TBC1D22A: variants seen among roughly 807,000 people sequenced by gnomAD.
TBC1D22A encodes TBC1 domain family member 22A.
Under a neutral mutation model 60.2 loss-of-function variants are expected in TBC1D22A, and 38 were observed. The observed-to-expected ratio is 0.63, with a 90% CI of 0.49 to 0.83. The LOEUF (loss-of-function observed/expected upper bound fraction) is 0.83, where lower values mean the gene tolerates loss of function less well. Among genes scored for constraint, TBC1D22A ranks in the 40% least tolerant of loss-of-function variants. The pLI, the probability that TBC1D22A is intolerant of heterozygous loss-of-function variation, is 0.00. For missense variants in TBC1D22A, 628 were observed against 701.0 expected (o/e 0.90, Z 1.18); for synonymous variants, 302 against 281.7 (o/e 1.07, Z -0.72).
chr22:47,062,751 A>G (rs886532989), intron 11 of TBC1D22A, among the ~76,000 whole-genome samples: 8 of 152,140 alleles, frequency 5.3e-5, no homozygotes, highest in African/African-American at 1.9e-4. Flanking sequence ...GAGCCAAACC[A>G]TTGTTATTTT....
chr22:46,797,746 A>G, intron 4 of TBC1D22A, 126 bp downstream of exon 4: 1 of 991,356 alleles, frequency 1.0e-6, no homozygotes, highest in Non-Finnish European at 1.4e-6. Flanking sequence ...TTTGCCTTGC[A>G]GGAAGGTGAT....
intron 1 of TBC1D22A, among the ~76,000 whole-genome samples, chr22:46,771,983 C>T (rs143773879): frequency 3.9e-4 from 60 of 152,038 alleles, no homozygotes; most frequent in African/African-American, 1.3e-3. Flanking sequence ...CCAATCTCAT[C>T]GAGGTCTCTG....
At chr22:46,886,207 T>C (rs184866849) in intron 5 of TBC1D22A, among the ~76,000 whole-genome samples, 205 of 152,270 alleles carry the variant, frequency 1.3e-3, no homozygotes, top group African/African-American at 4.5e-3. Context: ...CCAGTCACTG[T>C]TAGAATTATG....
chr22:46,900,277 G>A (rs1210021590), intron 7 of TBC1D22A, among the ~76,000 whole-genome samples: 1 of 151,290 alleles, frequency 6.6e-6, no homozygotes, highest in South Asian at 2.1e-4. Context: ...TCAGACTCCC[G>A]AGTAGCTGGG....
At chr22:46,865,235 T>A (rs1011218375) in intron 4 of TBC1D22A, among the ~76,000 whole-genome samples, 4 of 152,174 alleles carry the variant, frequency 2.6e-5, no homozygotes, top group African/African-American at 4.8e-5. Context: ...ATCTCCACCC[T>A]CTGGATGGGT....
intron 10 of TBC1D22A, among the ~76,000 whole-genome samples, chr22:47,023,288 T>C (rs776623614): frequency 7.2e-5 from 11 of 152,172 alleles, no homozygotes; most frequent in Non-Finnish European, 1.5e-4. Flanking sequence ...AAAAGATTCA[T>C]GAACCTGCCA....
chr22:47,071,159 C>G (rs1467140380), intron 11 of TBC1D22A, among the ~76,000 whole-genome samples: 2 of 152,204 alleles, frequency 1.3e-5, no homozygotes, highest in African/African-American at 4.8e-5. Context: ...CCTCCCATAC[C>G]TTTGGAGAAC....
chr22:46,937,115 C>T (rs534426821), intron 8 of TBC1D22A, among the ~76,000 whole-genome samples: 2 of 152,248 alleles, frequency 1.3e-5, no homozygotes, highest in African/African-American at 4.8e-5. Flanking sequence ...GGCATAATCT[C>T]GTGTCCATTT....
At chr22:46,852,336 G>T (rs911481218) in intron 4 of TBC1D22A, among the ~76,000 whole-genome samples, 6 of 152,252 alleles carry the variant, frequency 3.9e-5, no homozygotes, top group African/African-American at 1.4e-4. Flanking sequence ...CAGAACCCCA[G>T]GGTGGCGGCT....
intron 11 of TBC1D22A, among the ~76,000 whole-genome samples, chr22:47,086,316 G>C (rs569665617): frequency 1.3e-5 from 2 of 152,186 alleles, no homozygotes; most frequent in Non-Finnish European, 2.9e-5. Context: ...TTAGCCGGGC[G>C]TGGTGGCAGG....
At chr22:47,005,312 C>T (rs567010393) in intron 10 of TBC1D22A, among the ~76,000 whole-genome samples, 2 of 151,290 alleles carry the variant, frequency 1.3e-5, no homozygotes, top group Admixed American at 1.3e-4. Context: ...ATACAGGTAC[C>T]CCCTACACAC....
intron 12 of TBC1D22A, among the ~76,000 whole-genome samples, chr22:47,123,556 A>C (rs1247318515): frequency 6.6e-6 from 1 of 152,208 alleles, no homozygotes. Context: ...CCATTGGCTC[A>C]CAGAATGGCC....
At chr22:47,063,872 C>T (rs1334888183) in intron 11 of TBC1D22A, among the ~76,000 whole-genome samples, 1 of 152,210 alleles carries the variant, frequency 6.6e-6, no homozygotes, top group African/African-American at 2.4e-5. Flanking sequence ...TAGCCTTCTC[C>T]CATTGTGTGG....
intron 11 of TBC1D22A, among the ~76,000 whole-genome samples, chr22:47,058,256 C>T (rs945312661): frequency 1.3e-5 from 2 of 152,138 alleles, no homozygotes; most frequent in Non-Finnish European, 2.9e-5. Context: ...GGCCTCCTCC[C>T]CATGCCGTGC....
At chr22:46,941,500 AATATATATACGGAAT>A (rs2072080201) in intron 8 of TBC1D22A, among the ~76,000 whole-genome samples, 1 of 143,582 alleles carries the variant, frequency 7.0e-6, no homozygotes, top group Non-Finnish European at 1.5e-5. Context: ...ATATACACGG[AATATATATACGGAAT>A]ATATATACAC....
chr22:47,136,041 A>G (rs1042503535), intron 12 of TBC1D22A, among the ~76,000 whole-genome samples: 11 of 152,202 alleles, frequency 7.2e-5, no homozygotes, highest in African/African-American at 2.7e-4. Flanking sequence ...GGGAGAGGGC[A>G]GTGGAAAAGG....
intron 11 of TBC1D22A, among the ~76,000 whole-genome samples, chr22:47,105,153 T>C (rs1358397535): frequency 1.3e-5 from 2 of 151,012 alleles, no homozygotes; most frequent in African/African-American, 4.9e-5. Flanking sequence ...GTCAATAATA[T>C]CATAAAAAAA....
chr22:46,847,084 A>G (rs1424529969), intron 4 of TBC1D22A, among the ~76,000 whole-genome samples: 9 of 152,160 alleles, frequency 5.9e-5, no homozygotes, highest in African/African-American at 1.7e-4. Flanking sequence ...TCTTTGGTCA[A>G]TTGGGACTGG....
intron 11 of TBC1D22A, among the ~76,000 whole-genome samples, chr22:47,076,325 A>ATG: frequency 6.8e-6 from 1 of 146,060 alleles, no homozygotes; most frequent in South Asian, 2.2e-4. Context: ...ATATATATGT[A>ATG]TATGTGTGTG....
Sources: gnomAD v4.1 joint callset for allele counts (sites outside exome capture counted in the v4.1 genomes callset) on GRCh38, gnomAD v4.1.1 for gene constraint, MANE v1.5 for transcripts, NCBI Gene and HGNC (gene_info 2026-07-23, HGNC 2026-07-21) for gene names.